AUTS2: variants seen among roughly 807,000 people sequenced by gnomAD.
AUTS2 encodes activator of transcription and developmental regulator AUTS2.
A neutral mutation model predicts 112.4 loss-of-function variants in AUTS2; 17 were observed. That is an observed-to-expected ratio of 0.15 (90% confidence interval 0.10 to 0.23). The LOEUF (loss-of-function observed/expected upper bound fraction) is 0.23. Among genes scored for constraint, AUTS2 ranks in the 10% least tolerant of loss-of-function variants. The probability of loss-of-function intolerance (pLI) is 1.00; values close to 1 mark genes in which losing one functional copy is unlikely to be tolerated. For missense variants in AUTS2, 1,510 were observed against 1,701.6 expected, an observed-to-expected ratio of 0.89 and a Z score of 1.98; for synonymous variants, 751 against 702.7, an observed-to-expected ratio of 1.07 and a Z score of -1.09.
At chr7:70,272,179 T>A (rs1157775265) in intron 4 of AUTS2, among the ~76,000 whole-genome samples, 1 of 151,250 alleles carries the variant, frequency 6.6e-6, no homozygotes, top group Non-Finnish European at 1.5e-5. Flanking sequence ...AGAGATAAAA[T>A]GAATTTTATA....
intron 4 of AUTS2, among the ~76,000 whole-genome samples, chr7:70,338,506 G>A (rs1302594713): frequency 6.6e-6 from 1 of 152,168 alleles, no homozygotes; most frequent in Non-Finnish European, 1.5e-5. Context: ...CGCCTACATT[G>A]TATAATTGTT....
chr7:70,484,498 G>T (rs1406245802), intron 5 of AUTS2, among the ~76,000 whole-genome samples: 1 of 152,200 alleles, frequency 6.6e-6, no homozygotes, highest in Non-Finnish European at 1.5e-5. Context: ...CGGGAACTCA[G>T]GGTCTCAGCT....
intron 4 of AUTS2, among the ~76,000 whole-genome samples, chr7:70,238,108 G>C (rs187258325): frequency 6.6e-6 from 1 of 152,176 alleles, no homozygotes; most frequent in African/African-American, 2.4e-5. Flanking sequence ...GCCCCATCTG[G>C]TAAGAGTGAT....
chr7:69,610,739 A>G (rs1334593781), intron 1 of AUTS2, among the ~76,000 whole-genome samples: 2 of 152,216 alleles, frequency 1.3e-5, no homozygotes, highest in Non-Finnish European at 2.9e-5. Context: ...GAGGGCTCCC[A>G]GCTATGAATA....
At chr7:70,164,299 T>A (rs1808268873) in intron 4 of AUTS2, among the ~76,000 whole-genome samples, 1 of 152,176 alleles carries the variant, frequency 6.6e-6, no homozygotes, top group South Asian at 2.1e-4. Context: ...ATTGCTACAT[T>A]ATTATTAAAT....
intron 2 of AUTS2, among the ~76,000 whole-genome samples, chr7:69,977,134 A>G (rs1798092446): frequency 6.6e-6 from 1 of 152,120 alleles, no homozygotes; most frequent in African/African-American, 2.4e-5. Context: ...TATGGTGTAA[A>G]GGGTCCAGTT....
At chr7:69,925,025 G>A (rs1008886098) in intron 2 of AUTS2, among the ~76,000 whole-genome samples, 4 of 152,016 alleles carry the variant, frequency 2.6e-5, no homozygotes, top group Admixed American at 2.6e-4. Flanking sequence ...TCTTTTCAAG[G>A]AATTTTTTCA....
chr7:69,966,889 A>T (rs1797654270), intron 2 of AUTS2, among the ~76,000 whole-genome samples: 1 of 152,178 alleles, frequency 6.6e-6, no homozygotes, highest in Non-Finnish European at 1.5e-5. Context: ...AAATATGTCT[A>T]TAAAGCGTCA....
intron 4 of AUTS2, among the ~76,000 whole-genome samples, chr7:70,312,125 C>G (rs187996401): frequency 6.6e-6 from 1 of 152,304 alleles, no homozygotes; most frequent in East Asian, 1.9e-4. Flanking sequence ...TCCCACAGTG[C>G]TGGGATTACA....
At chr7:69,964,661 CTTACTTTT>C (rs768885519) in intron 2 of AUTS2, among the ~76,000 whole-genome samples, 6 of 151,652 alleles carry the variant, frequency 4.0e-5, no homozygotes, top group Non-Finnish European at 8.8e-5. Flanking sequence ...CTTTCATTAC[CTTACTTTT>C]TTCCCTTCTC....
intron 6 of AUTS2, among the ~76,000 whole-genome samples, chr7:70,721,274 T>C (rs1563151607): frequency 1.1e-5 from 1 of 93,202 alleles, no homozygotes; most frequent in African/African-American, 4.6e-5. Flanking sequence ...AGCCAGAATT[T>C]CATTCGTGTG....
At chr7:70,271,457 T>G (rs1467564141) in intron 4 of AUTS2, among the ~76,000 whole-genome samples, 1 of 152,142 alleles carries the variant, frequency 6.6e-6, no homozygotes, top group Non-Finnish European at 1.5e-5. Context: ...GAATTGTTGT[T>G]TCTGGGGGTA....
At position 70,036,144 on chromosome 7, in the gene AUTS2, A is replaced by G. The variant is rs533164610; in HGVS notation, c.523-81988A>G. Among the ~76,000 whole-genome samples the G allele has an allele frequency of 7.5e-4, 115 of 152,362 alleles. 1 individual carries two copies. The highest frequency in any genetic ancestry group is 1.4e-3 in the Non-Finnish European group (93 of 68,036). On this transcript the variant is annotated intron_variant, in intron 2 of 18. Coordinates refer to ENST00000342771, the MANE Select transcript of AUTS2 (RefSeq NM_015570.4). ...CCAGAGGTGGTTTGAGAGGCAAAGC[A>G]GCACCACAGACAGGGGTCCAAGGCA...
intron 1 of AUTS2, among the ~76,000 whole-genome samples, chr7:69,641,406 C>T (rs1794792280): frequency 6.7e-6 from 1 of 150,310 alleles, no homozygotes; most frequent in South Asian, 2.1e-4. Flanking sequence ...CCTGCAGAGC[C>T]TTGCTTACAC....
intron 2 of AUTS2, among the ~76,000 whole-genome samples, chr7:69,978,802 C>T (rs981312770): frequency 6.6e-6 from 1 of 151,112 alleles, no homozygotes; most frequent in Admixed American, 6.6e-5. Context: ...GCCATGATTG[C>T]ACCTCTGTAT....
chr7:69,954,523 AG>A (rs1463154052), intron 2 of AUTS2, among the ~76,000 whole-genome samples: 1 of 152,194 alleles, frequency 6.6e-6, no homozygotes, highest in Non-Finnish European at 1.5e-5. Flanking sequence ...AGCTCACTGT[AG>A]GCTCGAACTC....
chr7:69,724,493 C>T (rs1786405459), intron 1 of AUTS2, among the ~76,000 whole-genome samples: 1 of 152,100 alleles, frequency 6.6e-6, no homozygotes, highest in African/African-American at 2.4e-5. Flanking sequence ...CTGCTGTTGT[C>T]TTGTGCTCTC....
chr7:70,237,831 T>A (rs572668655), intron 4 of AUTS2, among the ~76,000 whole-genome samples: 25 of 152,238 alleles, frequency 1.6e-4, no homozygotes, highest in Non-Finnish European at 3.1e-4. Context: ...CTTCTCCCCC[T>A]CGGCAGGATA....
rs375948367 is a variant in AUTS2 at position 70,790,631 on chromosome 7, C to T, written c.3415C>T (p.Pro1139Ser). 1.9e-6 allele frequency: 3 copies of T among 1,611,814 alleles called. No homozygotes were observed. The highest frequency in any genetic ancestry group is 2.2e-5 in the East Asian group (1 of 44,712). The part of the protein sequence containing the change: ...HHHHHPLSVD[P>S]RREHERGGHL... ...CCACCACCACCCGCTGTCTGTGGAC[C>T]CTCGGCGGGAGCACGAGCGGGGAGG... The change falls in exon 19 of 19, where the codon CCT becomes TCT. Residue 1139 changes from proline (P) to serine (S), a missense_variant. Transcript: ENST00000342771. The surrounding 1 kb of genome is among the most constrained non-coding windows in gnomAD (Gnocchi z 7.6).
Sources: allele counts gnomAD v4.1 joint callset (sites outside exome capture counted in the v4.1 genomes callset), GRCh38; gene constraint gnomAD v4.1.1; non-coding constraint Gnocchi (gnomAD v3.1); transcripts MANE v1.5; gene names NCBI Gene and HGNC (gene_info 2026-07-23, HGNC 2026-07-21).